Variants in LUZP2 observed in about 807,000 individuals in gnomAD.
The protein encoded by LUZP2 is leucine zipper protein 2.
In LUZP2, 52 loss-of-function variants were observed where a neutral mutation model predicts 51.6. The ratio of observed to expected loss-of-function variants is 1.01; its 90% confidence interval spans 0.81 to 1.27. The LOEUF (loss-of-function observed/expected upper bound fraction) is 1.27. Ranked by LOEUF, LUZP2 falls within the 50% of genes most tolerant of loss-of-function variation. The pLI is 0.00. For synonymous variants in LUZP2, 154 were observed against 137.3 expected, an observed-to-expected ratio of 1.12 and a Z score of -0.85; for missense variants, 436 against 395.4, an observed-to-expected ratio of 1.10 and a Z score of -0.87.
intron 1 of LUZP2, among the ~76,000 whole-genome samples, chr11:24,721,073 A>G (rs868174493): frequency 2.6e-5 from 4 of 152,186 alleles, no homozygotes; most frequent in South Asian, 4.1e-4. Context: ...CAAGAAGCTG[A>G]GAAAAATAAC....
intron 1 of LUZP2, among the ~76,000 whole-genome samples, chr11:24,533,795 G>A (rs1175340052): frequency 6.9e-6 from 1 of 144,070 alleles, no homozygotes; most frequent in African/African-American, 2.5e-5. Context: ...CGTTCTCCAT[G>A]TGCACATATA....
At chr11:24,600,420 A>G (rs947434953) in intron 1 of LUZP2, among the ~76,000 whole-genome samples, 1 of 152,120 alleles carries the variant, frequency 6.6e-6, no homozygotes, top group African/African-American at 2.4e-5. Context: ...CTGTTGTTTT[A>G]AGCCACCGAA....
chr11:24,629,975 T>A (rs908864420), intron 1 of LUZP2, among the ~76,000 whole-genome samples: 2 of 151,874 alleles, frequency 1.3e-5, no homozygotes, highest in African/African-American at 4.8e-5. Context: ...ATATACGTGT[T>A]GGCCATTTGT....
intron 5 of LUZP2, among the ~76,000 whole-genome samples, chr11:24,867,680 T>C (rs1851941038): frequency 6.6e-6 from 1 of 152,108 alleles, no homozygotes; most frequent in Non-Finnish European, 1.5e-5. Flanking sequence ...GTCAAGGAAC[T>C]TGGGACAAGT....
rs577531718 is a variant in LUZP2, at chr11:24,849,731, C to T, written c.397-56260C>T. On this transcript the variant is annotated intron_variant, in intron 5 of 11. Coordinates refer to ENST00000336930, the MANE Select transcript of LUZP2 (RefSeq NM_001009909.4). Reference sequence around the variant, plus strand: ...CTTCCACAATGTTTGAACTAATTTACACTCCCACCAACAGTATAAAAGCGA... The same window carrying T: ...CTTCCACAATGTTTGAACTAATTTATACTCCCACCAACAGTATAAAAGCGA... Among the ~76,000 whole-genome samples the T allele has an allele frequency of 2.0e-5, 3 of 152,246 alleles. No homozygotes were observed. The South Asian group carries it at 6.2e-4, about 32-fold the overall frequency.
At chr11:24,794,139 T>G (rs1849483390) in intron 5 of LUZP2, among the ~76,000 whole-genome samples, 1 of 152,102 alleles carries the variant, frequency 6.6e-6, no homozygotes, top group Non-Finnish European at 1.5e-5. Context: ...AGCCTGGCCT[T>G]GTTAGCCTTG....
At chr11:24,709,805 G>C (rs6416040) in intron 1 of LUZP2, among the ~76,000 whole-genome samples, 115,545 of 152,066 alleles carry the variant, frequency 0.76, 44,309 homozygotes, top group East Asian at 0.97. Context: ...AAAAGAGAAA[G>C]CAGGAATTGC....
chr11:24,710,907 AGAAG>A (rs1410679565), intron 1 of LUZP2, among the ~76,000 whole-genome samples: 2 of 144,312 alleles, frequency 1.4e-5, no homozygotes, highest in East Asian at 4.7e-4. Context: ...AAGGAAAGAA[AGAAG>A]GAAGGAAGGA....
At position 24,832,978 on chromosome 11, in the gene LUZP2, T is replaced by A. The variant is rs535548756; in HGVS notation, c.396+69670T>A. Among the ~76,000 whole-genome samples, 11 of 152,304 alleles carry A rather than the reference T, an allele frequency of 7.2e-5. No individual in the cohort carries two copies. The East Asian group carries it at 1.7e-3, about 24-fold the overall frequency. The stretch of plus-strand genomic sequence containing the variant: ...TCCATATTTAGTCTGACAAACTTTG[T>A]GGGTACTTTTGGACTAATCACCTAA... On this transcript the variant is annotated intron_variant, in intron 5 of 11. Transcript: ENST00000336930.
chr11:24,582,384 TAG>T (rs1565006046), intron 1 of LUZP2, among the ~76,000 whole-genome samples: 1 of 133,000 alleles, frequency 7.5e-6, no homozygotes, highest in Non-Finnish European at 1.5e-5. Flanking sequence ...TAGAAATAAA[TAG>T]AGAGATGAAT....
At chr11:24,583,989 G>A (rs955650595) in intron 1 of LUZP2, among the ~76,000 whole-genome samples, 2 of 151,894 alleles carry the variant, frequency 1.3e-5, no homozygotes, top group African/African-American at 4.8e-5. Context: ...TGAGATTACA[G>A]GCGTGAGCCA....
intron 7 of LUZP2, among the ~76,000 whole-genome samples, chr11:24,964,346 A>T (rs1855518446): frequency 6.6e-6 from 1 of 152,224 alleles, no homozygotes; most frequent in South Asian, 2.1e-4. Flanking sequence ...AAGTCAAGTT[A>T]AAAGCATTAT....
At chr11:25,024,084 G>C (rs1157359892) in intron 9 of LUZP2, among the ~76,000 whole-genome samples, 9 of 152,162 alleles carry the variant, frequency 5.9e-5, no homozygotes, top group Non-Finnish European at 1.5e-5. Context: ...TAAGTGCGAT[G>C]TGGTGCTGAG....
chr11:24,618,801 G>C (rs866817753), intron 1 of LUZP2, among the ~76,000 whole-genome samples: 1 of 152,050 alleles, frequency 6.6e-6, no homozygotes, highest in Non-Finnish European at 1.5e-5. Flanking sequence ...ACAGGGACAA[G>C]GACCTCTATG....
chr11:24,657,808 T>G (rs1855861925), intron 1 of LUZP2, among the ~76,000 whole-genome samples: 1 of 152,058 alleles, frequency 6.6e-6, no homozygotes, highest in Admixed American at 6.5e-5. Flanking sequence ...AAATCATGAG[T>G]GAACTCCCAT....
rs1386886892 is a variant in LUZP2 at position 24,674,371 on chromosome 11, G to A, written c.63-54798G>A. Among the ~76,000 whole-genome samples the A allele has an allele frequency of 5.3e-5, 8 of 152,190 alleles. No homozygotes were observed. The South Asian group carries it at 1.0e-3, about 20-fold the overall frequency. On this transcript the variant is annotated intron_variant, in intron 1 of 11. Transcript: ENST00000336930. Reference sequence around the variant, plus strand: ...ATGTTCTGGTTACAGGATGAAATACGGTAACTTGATTTTCTCCTTCTATGA... The same window carrying A: ...ATGTTCTGGTTACAGGATGAAATACAGTAACTTGATTTTCTCCTTCTATGA...
intron 9 of LUZP2, among the ~76,000 whole-genome samples, chr11:25,046,478 A>T (rs1484348175): frequency 2.0e-5 from 3 of 152,114 alleles, no homozygotes; most frequent in African/African-American, 7.2e-5. Flanking sequence ...TTCAGTACTG[A>T]CCCTAATTTT....
intron 6 of LUZP2, among the ~76,000 whole-genome samples, chr11:24,908,705 C>A (rs1014934683): frequency 4.0e-5 from 6 of 151,278 alleles, no homozygotes; most frequent in African/African-American, 1.5e-4. Flanking sequence ...TTTGCATAAT[C>A]TTTCCTGAAA....
At chr11:24,629,014 T>A (rs1854784441) in intron 1 of LUZP2, among the ~76,000 whole-genome samples, 1 of 152,126 alleles carries the variant, frequency 6.6e-6, no homozygotes, top group African/African-American at 2.4e-5. Context: ...AAAAAAGCAA[T>A]GTAATAAACA....
Sources: allele counts gnomAD v4.1 joint callset (sites outside exome capture counted in the v4.1 genomes callset), GRCh38; gene constraint gnomAD v4.1.1; transcripts MANE v1.5; gene names NCBI Gene and HGNC (gene_info 2026-07-23, HGNC 2026-07-21).